SORCS2: variants seen among roughly 807,000 people sequenced by gnomAD.
The protein encoded by SORCS2 is VPS10 domain-containing receptor SorCS2.
In SORCS2, 100 loss-of-function variants were observed where a neutral mutation model predicts 141.6. The observed-to-expected ratio is 0.71, with a 90% CI of 0.60 to 0.83. SORCS2 has a LOEUF of 0.83. Ranked by LOEUF, SORCS2 falls within the 40% of genes least tolerant of loss-of-function variation. The pLI is 0.00. For missense variants in SORCS2, 1,646 were observed against 1,560.2 expected, an observed-to-expected ratio of 1.05 and a Z score of -0.93; for synonymous variants, 789 against 676.9, an observed-to-expected ratio of 1.17 and a Z score of -2.57.
intron 1 of SORCS2, among the ~76,000 whole-genome samples, chr4:7,341,816 C>T (rs1358898094): frequency 6.6e-6 from 1 of 152,212 alleles, no homozygotes; most frequent in East Asian, 1.9e-4. Context: ...ATTTTCATCT[C>T]CCCAAAAGGA....
intron 1 of SORCS2, among the ~76,000 whole-genome samples, chr4:7,264,561 T>C (rs1420095914): frequency 6.6e-6 from 1 of 152,190 alleles, no homozygotes; most frequent in Admixed American, 6.5e-5. Context: ...GGAAGGCTTC[T>C]CCGTGGAGTG....
intron 3 of SORCS2, among the ~76,000 whole-genome samples, chr4:7,532,783 C>T (rs1711767863): frequency 6.6e-6 from 1 of 152,138 alleles, no homozygotes; most frequent in South Asian, 2.1e-4. Context: ...TGTCCTCTCT[C>T]TTCCTAAAGC....
intron 1 of SORCS2, among the ~76,000 whole-genome samples, chr4:7,214,171 G>A (rs923813739): frequency 2.0e-5 from 3 of 152,152 alleles, no homozygotes; most frequent in Admixed American, 1.3e-4. Context: ...GGCTGCTGTG[G>A]CTTGAAACCC....
Position 7,667,114 on chromosome 4 carries a change from C to A in SORCS2, c.1072-10C>A. On this transcript the variant is annotated splice_polypyrimidine_tract_variant and intron_variant, in intron 7 of 26. Transcript: ENST00000507866. ...AAGCCTCTCAAAAATGTGTTTCTTC[C>A]CCCGGTTAGGCAACATCAGCAAACC... The A allele has an allele frequency of 6.2e-7, 1 of 1,609,140 alleles. No individual in the cohort carries two copies. The highest frequency in any genetic ancestry group is 8.5e-7 in the Non-Finnish European group (1 of 1,175,810).
intron 2 of SORCS2, among the ~76,000 whole-genome samples, chr4:7,502,452 G>C (rs1253852381): frequency 6.6e-6 from 1 of 152,212 alleles, no homozygotes; most frequent in South Asian, 2.1e-4. Context: ...CCATCAAAAG[G>C]TGGAGATGGG....
intron 3 of SORCS2, among the ~76,000 whole-genome samples, chr4:7,618,343 G>A (rs1274572128): frequency 3.3e-5 from 5 of 152,028 alleles, no homozygotes; most frequent in African/African-American, 7.3e-5. Flanking sequence ...GCCCAAGCAC[G>A]CCCATCTTCC....
Position 7,434,813 on chromosome 4 carries a change from G to T in SORCS2, c.548+38458G>T, listed in dbSNP as rs768390343. ...GTGGAGCCCTTTGCACACTCCTGGG[G>T]GCCTGAGGTGGGGCTGGCCCTGGTG... On this transcript the variant is annotated intron_variant, in intron 2 of 26. Transcript: ENST00000507866. The T allele has an allele frequency of 1.8e-5, 29 of 1,605,390 alleles. No homozygotes were observed. The highest frequency in any genetic ancestry group is 1.7e-6 in the Non-Finnish European group (2 of 1,176,542).
At chr4:7,447,406 T>A (rs1728067913) in intron 2 of SORCS2, among the ~76,000 whole-genome samples, 1 of 152,222 alleles carries the variant, frequency 6.6e-6, no homozygotes, top group East Asian at 1.9e-4. Context: ...TGGCACATGG[T>A]AAACCCTCAA....
intron 3 of SORCS2, among the ~76,000 whole-genome samples, chr4:7,604,851 C>T (rs1273994535): frequency 6.6e-6 from 1 of 152,156 alleles, no homozygotes; most frequent in Non-Finnish European, 1.5e-5. Flanking sequence ...AAGATGTCAC[C>T]CCCTGGGGTC....
chr4:7,465,813 C>T (rs141880035), intron 2 of SORCS2, among the ~76,000 whole-genome samples: 26 of 152,296 alleles, frequency 1.7e-4, no homozygotes, highest in African/African-American at 6.0e-4. Flanking sequence ...GCTTATTAGC[C>T]GCTGCTGTTT....
At chr4:7,377,862 C>T (rs939810050) in intron 1 of SORCS2, among the ~76,000 whole-genome samples, 1 of 152,190 alleles carries the variant, frequency 6.6e-6, no homozygotes, top group Non-Finnish European at 1.5e-5. Flanking sequence ...CAGAATCGTT[C>T]CCGTCCTCGT....
chr4:7,699,152 G>A (rs998416602), intron 12 of SORCS2, among the ~76,000 whole-genome samples: 6 of 152,178 alleles, frequency 3.9e-5, no homozygotes, highest in African/African-American at 1.4e-4. Flanking sequence ...TCAGTGTGTG[G>A]GGGAGGCAGG....
chr4:7,662,424 C>T (rs1323972590), intron 6 of SORCS2, among the ~76,000 whole-genome samples: 2 of 152,170 alleles, frequency 1.3e-5, no homozygotes, highest in East Asian at 1.9e-4. Context: ...TGACCTCAGG[C>T]ACCCTGCCAG....
At chr4:7,474,533 G>A (rs1270870761) in intron 2 of SORCS2, among the ~76,000 whole-genome samples, 1 of 152,206 alleles carries the variant, frequency 6.6e-6, no homozygotes, top group Non-Finnish European at 1.5e-5. Flanking sequence ...GGCCAGCAGG[G>A]GGCTCGGAGC....
At chr4:7,248,211 G>A (rs1443009465) in intron 1 of SORCS2, among the ~76,000 whole-genome samples, 3 of 152,216 alleles carry the variant, frequency 2.0e-5, no homozygotes, top group African/African-American at 4.8e-5. Context: ...TTCCATGATC[G>A]CATGGGGTCC....
At chr4:7,267,009 G>A (rs1714781827) in intron 1 of SORCS2, among the ~76,000 whole-genome samples, 1 of 152,140 alleles carries the variant, frequency 6.6e-6, no homozygotes, top group South Asian at 2.1e-4. Flanking sequence ...GCCACAGAGA[G>A]GGAAGGAAGC....
intron 17 of SORCS2, among the ~76,000 whole-genome samples, chr4:7,717,069 G>A (rs964731820): frequency 3.3e-5 from 5 of 152,214 alleles, no homozygotes; most frequent in Admixed American, 2.6e-4. Context: ...TTTCACAGAC[G>A]CATAGTGTAG....
intron 3 of SORCS2, among the ~76,000 whole-genome samples, chr4:7,610,825 A>G (rs953331486): frequency 6.6e-6 from 1 of 152,144 alleles, no homozygotes; most frequent in Admixed American, 6.6e-5. Flanking sequence ...TGGGTGGAAG[A>G]GCAGCCCCGA....
At chr4:7,600,776 G>A (rs190634525) in intron 3 of SORCS2, among the ~76,000 whole-genome samples, 16 of 151,650 alleles carry the variant, frequency 1.1e-4, no homozygotes, top group Admixed American at 2.0e-4. Context: ...TATCTCCCTA[G>A]CAAATATTTT....
Sources: allele counts gnomAD v4.1 joint callset (sites outside exome capture counted in the v4.1 genomes callset), GRCh38; gene constraint gnomAD v4.1.1; transcripts MANE v1.5; gene names NCBI Gene and HGNC (gene_info 2026-07-23, HGNC 2026-07-21).